The following FIGNL2 variants were observed in gnomAD, a reference collection of about 807,000 sequenced individuals.
The protein encoded by FIGNL2 is fidgetin-like protein 2.
For synonymous variants in FIGNL2, 565 were observed against 484.0 expected (o/e 1.17, Z -2.20); for missense variants, 1,060 against 950.2 (o/e 1.12, Z -1.52).
chr12:51,831,992 A>G (rs1309164655), intron 1 of FIGNL2: 1 of 152,256 alleles, frequency 6.6e-6, no homozygotes, highest in African/African-American at 2.4e-5. Flanking sequence ...GGCACATGCC[A>G]CCACACCTAG....
intron 1 of FIGNL2, among the ~76,000 whole-genome samples, chr12:51,826,487 AAATT>A (rs1306718119): frequency 2.0e-5 from 3 of 151,580 alleles, no homozygotes; most frequent in Non-Finnish European, 2.9e-5. Context: ...AAAAAAAAAA[AAATT>A]AGCCGGGCGT....
Position 51,820,947 on chromosome 12 carries a change from G to C in FIGNL2, c.1467C>G (p.Leu489=). ...GGAGCAGCGCCTCTAGCTCGCTGAT[G>C]AGGAGTACGGAGGGTGGGCGGCAGC... The part of the protein sequence containing the change: ...AARCRPPSVL[L]ISELEALLPA... Residue 489 remains leucine (L), a synonymous_variant, in exon 2 of 2, where the codon CTC becomes CTG. Transcript: ENST00000618634. The C allele has an allele frequency of 7.9e-7, 1 of 1,267,804 alleles. No individual in the cohort carries two copies. Among genetic ancestry groups the C allele is most frequent in the Admixed American group, 4.3e-5 (1 of 23,298 alleles). The allele number at this position is 1,267,804 out of a possible 1,614,324, so 78.5% of individuals were successfully genotyped here.
chr12:51,829,016 G>A (rs955963830), intron 1 of FIGNL2, among the ~76,000 whole-genome samples: 10 of 152,170 alleles, frequency 6.6e-5, no homozygotes, highest in African/African-American at 2.2e-4. Flanking sequence ...TCTGGATTCC[G>A]TCACCCATAG....
rs7960686 is a variant in FIGNL2 at position 51,818,087 on chromosome 12, A to C, written c.*2365T>G. 1 of 152,050 alleles carries C rather than the reference A, an allele frequency of 6.6e-6. No individual in the cohort carries two copies. Among genetic ancestry groups the C allele is most frequent in the Non-Finnish European group, 1.5e-5 (1 of 68,078 alleles). 9.4% of individuals were successfully genotyped at this position (152,050 alleles called of 1,614,324 possible). A position where few individuals can be genotyped will look rare whatever the true frequency, so the allele number is the denominator to read the frequency against. Reference sequence around the variant, plus strand: ...TCCCAGCCCCAGTCTGGGTAGAGGAAGGGGAGAGGCCAGCTCGGAAGTCAC... The same window carrying C: ...TCCCAGCCCCAGTCTGGGTAGAGGACGGGGAGAGGCCAGCTCGGAAGTCAC... On this transcript the variant is annotated 3_prime_UTR_variant, in exon 2 of 2. Transcript: ENST00000618634.
At chr12:51,837,840 A>G (rs1317187764) in intron 1 of FIGNL2, 1 of 152,186 alleles carries the variant, frequency 6.6e-6, no homozygotes, top group Non-Finnish European at 1.5e-5. Flanking sequence ...ACCAAAGAAA[A>G]CACAACGTGT....
rs1179232670 is a variant in FIGNL2, at chr12:51,833,986, C to CGGATGGATGGAT, written c.-11-11574_-11-11563dup. On this transcript the variant is annotated intron_variant, in intron 1 of 1. Transcript: ENST00000618634. ...ATGGATGAATGGACAGACAAATGGA[C>CGGATGGATGGAT]GGATGGATGGATGAATGGACAGACA... Among the ~76,000 whole-genome samples the CGGATGGATGGAT allele has an allele frequency of 7.9e-3, 562 of 71,572 alleles. 1 individual carries two copies. Among genetic ancestry groups the CGGATGGATGGAT allele is most frequent in the Non-Finnish European group, 0.014 (395 of 27,284 alleles). The allele number at this position is 71,572 out of a possible 152,430, so 47.0% of individuals were successfully genotyped here.
intron 1 of FIGNL2, chr12:51,835,476 A>G (rs1490061721): frequency 6.6e-6 from 1 of 152,294 alleles, no homozygotes; most frequent in East Asian, 1.9e-4. Flanking sequence ...AAGGGGCAGA[A>G]TTGGCACTTG....
In FIGNL2 at chr12:51,822,096, G is replaced by A. The variant is rs767508319; in HGVS notation, c.318C>T (p.Tyr106=). 60 of 1,611,358 alleles carry A rather than the reference G, an allele frequency of 3.7e-5. No homozygotes were observed. The highest frequency in any genetic ancestry group is 4.4e-5 in the Non-Finnish European group (52 of 1,178,936). The part of the protein sequence containing the change: ...PEPWPGPEPP[Y]PLASLHEGLP... ...GGCCTTCGTGGAGTGAGGCCAAGGG[G>A]TAGGGTGGCTCCGGCCCTGGCCAGG... Residue 106 remains tyrosine, a synonymous_variant, in exon 2 of 2, where the codon TAC becomes TAT. Transcript: ENST00000618634.
In FIGNL2 at chr12:51,820,409, G is replaced by A. The variant is rs553700551; in HGVS notation, c.*43C>T. ...ACATCCCTCCCACGCGGAGGCGGCG[G>A]GGACGGAGGGACTGCGGCTCCCGCG... On this transcript the variant is annotated 3_prime_UTR_variant, in exon 2 of 2. Transcript: ENST00000618634. 1.3e-6 allele frequency: 2 copies of A among 1,553,666 alleles called. No homozygotes were observed. Among genetic ancestry groups the A allele is most frequent in the Non-Finnish European group, 1.7e-6 (2 of 1,157,432 alleles).
chr12:51,835,004 A>T (rs1939556595), intron 1 of FIGNL2, among the ~76,000 whole-genome samples: 1 of 152,202 alleles, frequency 6.6e-6, no homozygotes, highest in South Asian at 2.1e-4. Flanking sequence ...GACTCAGCCC[A>T]TGTGTCAACA....
At chr12:51,842,945 T>A (rs1939686427) in intron 1 of FIGNL2, among the ~76,000 whole-genome samples, 1 of 152,210 alleles carries the variant, frequency 6.6e-6, no homozygotes, top group Non-Finnish European at 1.5e-5. Flanking sequence ...GCTGGATGAA[T>A]AGCTACCTGG....
rs536251112 is a variant in FIGNL2, at chr12:51,842,271, C to T, written c.-12+6269G>A. On this transcript the variant is annotated intron_variant, in intron 1 of 1. Transcript: ENST00000618634. ...TGGTAAAAGAATGGCCAGCCCATGCCGGACACAGTGTGCCTGGAAAGGAAG... is the reference window on the plus strand; with the variant it reads ...TGGTAAAAGAATGGCCAGCCCATGCTGGACACAGTGTGCCTGGAAAGGAAG... 4.6e-5 allele frequency among the ~76,000 whole-genome samples: 7 copies of T among 152,338 alleles called. No homozygotes were observed. In the East Asian group the frequency reaches 7.7e-4, roughly 17 times the overall value.
In FIGNL2 at chr12:51,821,462, C is replaced by T. The variant is rs941426729; in HGVS notation, c.952G>A (p.Glu318Lys). Residue 318 changes from glutamate (E) to lysine (K), a missense_variant, in exon 2 of 2, where the codon GAG becomes AAG. Transcript: ENST00000618634. Reference sequence around the variant, plus strand: ...CCACCGTACTTGCCCGACGCCTCCTCCGCGGCTCCTGGCGGCTTGGCCCGG... The same window carrying T: ...CCACCGTACTTGCCCGACGCCTCCTTCGCGGCTCCTGGCGGCTTGGCCCGG... ...GFRAKPPGAA[E>K]EASGKYGGGV... 2.6e-6 allele frequency: 4 copies of T among 1,541,422 alleles called. No homozygotes were observed. The highest frequency in any genetic ancestry group is 3.5e-6 in the Non-Finnish European group (4 of 1,147,642).
At chr12:51,836,864 G>A (rs1316122542) in intron 1 of FIGNL2, among the ~76,000 whole-genome samples, 2 of 152,030 alleles carry the variant, frequency 1.3e-5, no homozygotes, top group African/African-American at 2.4e-5. Flanking sequence ...GACACCCCCA[G>A]CCCCCTCCTC....
At chr12:51,825,953 T>A (rs1319226346) in intron 1 of FIGNL2, 1 of 152,166 alleles carries the variant, frequency 6.6e-6, no homozygotes, top group Non-Finnish European at 1.5e-5. Flanking sequence ...CTACTCTCAG[T>A]CTTCATTTGG....
At chr12:51,847,319 C>T in intron 1 of FIGNL2, 5 of 985,446 alleles carry the variant, frequency 5.1e-6, no homozygotes, top group Non-Finnish European at 6.0e-6. Flanking sequence ...AGGGGAGGCC[C>T]CACGGCCCAG....
Position 51,820,990 on chromosome 12 carries a change from G to C in FIGNL2, c.1424C>G (p.Ala475Gly). ...GCGGCAGCGCGCGGCCGCGAAGGCG[G>C]CCTGGAGGAGGCGCGCGCCCTCGGC... The part of the protein sequence containing the change: ...GAAEGARLLQ[A>G]AFAAARCRPP... The change falls in exon 2 of 2, where the codon GCC becomes GGC. Residue 475 changes from alanine to glycine, a missense_variant. Ala to Gly is a moderately conservative substitution (Grantham distance 60). Coordinates refer to ENST00000618634, the MANE Select transcript of FIGNL2 (RefSeq NM_001384995.1). 8.3e-7 allele frequency: 1 copy of C among 1,202,536 alleles called. No individual in the cohort carries two copies. The highest frequency in any genetic ancestry group is 1.0e-6 in the Non-Finnish European group (1 of 971,008). The allele number at this position is 1,202,536 out of a possible 1,614,324, so 74.5% of individuals were successfully genotyped here. A position where few individuals can be genotyped will look rare whatever the true frequency, so the allele number is the denominator to read the frequency against.
intron 1 of FIGNL2, among the ~76,000 whole-genome samples, chr12:51,844,421 T>C (rs569431829): frequency 2.4e-4 from 37 of 151,944 alleles, no homozygotes; most frequent in Admixed American, 5.9e-4. Flanking sequence ...ACTCAGGGGG[T>C]TCGCACTGCA....
In FIGNL2 at chr12:51,830,793, G is replaced by A. The variant is rs545681591; in HGVS notation, c.-11-8369C>T. Among the ~76,000 whole-genome samples, 7 of 151,424 alleles carry A rather than the reference G, an allele frequency of 4.6e-5. No individual in the cohort carries two copies. The South Asian group carries it at 6.3e-4, about 14-fold the overall frequency. On this transcript the variant is annotated intron_variant, in intron 1 of 1. Coordinates refer to ENST00000618634, the MANE Select transcript of FIGNL2 (RefSeq NM_001384995.1). The stretch of plus-strand genomic sequence containing the variant: ...GCATGAGCCACCACACCCGGCCTAC[G>A]CTCTTTTTTTCTTGAGACAGAGTCT...
Sources: allele counts gnomAD v4.1 joint callset (sites outside exome capture counted in the v4.1 genomes callset), GRCh38; gene constraint gnomAD v4.1.1; transcripts MANE v1.5; gene names NCBI Gene and HGNC (gene_info 2026-07-23, HGNC 2026-07-21).